RBM10: variants seen among roughly 807,000 people sequenced by gnomAD.
RBM10 encodes the protein RNA binding motif protein 10, also known as RNA-binding protein 10.
A neutral mutation model predicts 84.9 loss-of-function variants in RBM10; 1 was observed. That is an observed-to-expected ratio of 0.01 (90% CI 0.00 to 0.06). The LOEUF (loss-of-function observed/expected upper bound fraction) is 0.06, where lower values mean the gene tolerates loss of function less well. RBM10 is among the 10% of genes least tolerant of loss of function. The pLI is 1.00. For synonymous variants in RBM10, 326 were observed against 344.5 expected (o/e 0.95, Z 0.60); for missense variants, 438 against 839.0 (o/e 0.52, Z 5.90).
intron 2 of RBM10, among the ~76,000 whole-genome samples, chrX:47,153,248 T>C (rs1556764182): frequency 8.9e-6 from 1 of 112,121 alleles, no homozygotes; most frequent in East Asian, 2.8e-4. Context: ...TAAACAATTA[T>C]ATAGTACTTT....
Position 47,145,475 on chromosome X carries a change from G to T in RBM10, c.-136G>T. 8.7e-7 allele frequency: 1 copy of T among 1,154,305 alleles called. No individual in the cohort carries two copies. Among genetic ancestry groups the T allele is most frequent in the Non-Finnish European group, 1.1e-6 (1 of 872,250 alleles). On this transcript the variant is annotated 5_prime_UTR_variant, in exon 1 of 24. Coordinates refer to ENST00000377604, the MANE Select transcript of RBM10 (RefSeq NM_005676.5). ...TCTGGGAGCCCTTCCTTGACAGCCCGGGCCGAGAAGGTGAGCGTCGACGCT... is the reference window on the plus strand; with the variant it reads ...TCTGGGAGCCCTTCCTTGACAGCCCTGGCCGAGAAGGTGAGCGTCGACGCT...
At position 47,186,453 on chromosome X, in the gene RBM10, G is replaced by A. The variant is rs371424020; in HGVS notation, c.2668-21G>A. 1.6e-4 allele frequency: 191 copies of A among 1,203,293 alleles called. No individual in the cohort carries two copies. The Middle Eastern group carries it at 2.3e-3, about 14-fold the overall frequency. On this transcript the variant is annotated intron_variant, in intron 23 of 23. Transcript: ENST00000377604. ...CACAGCATCCCCCACCAGCCTGACA[G>A]AGCCTGCCTCCCTCACACAGGCCCA...
chrX:47,164,735 G>A (rs1556768237), intron 2 of RBM10, among the ~76,000 whole-genome samples: 1 of 111,102 alleles, frequency 9.0e-6, no homozygotes, highest in Non-Finnish European at 1.9e-5. Flanking sequence ...TTAAACACAG[G>A]ATTACCATAT....
At position 47,181,459 on chromosome X, in the gene RBM10, C is replaced by T. The variant is rs1425434086; in HGVS notation, c.1436-48C>T. 17 of 1,209,392 alleles carry T rather than the reference C, an allele frequency of 1.4e-5. No individual in the cohort carries two copies. The East Asian group carries it at 4.2e-4, about 30-fold the overall frequency. ...TGGGGGCCAGCAGGCATAAAGTCCC[C>T]GGCCCCATTATTCACAGGCATTGTC... is the stretch of plus-strand genomic sequence containing the variant. On this transcript the variant is annotated intron_variant, in intron 13 of 23. Transcript: ENST00000377604.
At chrX:47,162,277 TCTC>T (rs201478055) in intron 2 of RBM10, among the ~76,000 whole-genome samples, 223 of 112,285 alleles carry the variant, frequency 2.0e-3, no homozygotes, top group African/African-American at 6.0e-3. Flanking sequence ...ATTGCCGAAT[TCTC>T]CTCTATAAGG....
At chrX:47,173,255 C>T (rs1934809080) in intron 5 of RBM10, 58 bp downstream of exon 5, 2 of 1,191,396 alleles carry the variant, frequency 1.7e-6, no homozygotes, top group Non-Finnish European at 1.1e-6. Context: ...CTCCGAATCT[C>T]CCTCCTGCCT....
chrX:47,145,832 G>A (rs1932134229), intron 1 of RBM10, among the ~76,000 whole-genome samples: 1 of 103,670 alleles, frequency 9.6e-6, no homozygotes, highest in Admixed American at 1.1e-4. Context: ...ATAGGAGAGG[G>A]GATGCTGCTC....
chrX:47,165,384 G>A (rs1435879904), intron 2 of RBM10, among the ~76,000 whole-genome samples: 1 of 108,293 alleles, frequency 9.2e-6, no homozygotes, highest in African/African-American at 3.4e-5. Context: ...GAGTGGTGGT[G>A]CATGTCTGTA....
In RBM10 at chrX:47,164,710, C is replaced by T. The variant is rs182864583; in HGVS notation, c.18-4605C>T. On this transcript the variant is annotated intron_variant, in intron 2 of 23. Transcript: ENST00000377604. ...ACAGCTGCTGTGGAAAACAGTTTGGCGGTTCCAGAAAAAGTTAAACACAGG... is the reference window on the plus strand; with the variant it reads ...ACAGCTGCTGTGGAAAACAGTTTGGTGGTTCCAGAAAAAGTTAAACACAGG... Among the ~76,000 whole-genome samples the T allele has an allele frequency of 6.1e-4, 68 of 111,248 alleles. 1 individual carries two copies. The East Asian group carries it at 0.017, about 28-fold the overall frequency.
intron 17 of RBM10, among the ~76,000 whole-genome samples, chrX:47,182,801 G>A (rs1415095815): frequency 3.5e-5 from 4 of 112,691 alleles, no homozygotes; most frequent in African/African-American, 1.3e-4. Flanking sequence ...TGTTACCTTA[G>A]CAACCTGATG....
At chrX:47,157,652 C>T in intron 2 of RBM10, 2 of 522,867 alleles carry the variant, frequency 3.8e-6, no homozygotes, top group East Asian at 6.7e-5. Context: ...AGTCCTGAAA[C>T]CTGTGCACCA....
At chrX:47,183,394 G>T (rs1316279057) in intron 17 of RBM10, among the ~76,000 whole-genome samples, 1 of 110,759 alleles carries the variant, frequency 9.0e-6, no homozygotes. Flanking sequence ...GGTGGCAGGC[G>T]CCTGTAATCC....
intron 2 of RBM10, among the ~76,000 whole-genome samples, chrX:47,156,384 T>C (rs1282682231): frequency 9.0e-6 from 1 of 111,300 alleles, no homozygotes; most frequent in East Asian, 2.8e-4. Flanking sequence ...AGTTTTTTTT[T>C]TTAACTCAGT....
intron 1 of RBM10, 124 bp downstream of exon 1, chrX:47,145,609 C>T (rs1263554105): frequency 4.7e-6 from 1 of 213,390 alleles, no homozygotes; most frequent in African/African-American, 3.5e-5. Flanking sequence ...TGCAATGTCT[C>T]AACCCGGGAG....
At position 47,186,118 on chromosome X, in the gene RBM10, C is replaced by G. The variant is rs139148914; in HGVS notation, c.2484C>G (p.Pro828=). ...AAERREKYGI[P]EPPEPKRRKY... ...AACGCAGAGAAAAGTATGGCATCCC[C>G]GAGCCGCCAGAGCCCAAGAGGAGGA... The change falls in exon 22 of 24, where the codon CCC becomes CCG. Residue 828 remains proline (P), a synonymous_variant. Transcript: ENST00000377604. 8.3e-7 allele frequency: 1 copy of G among 1,211,850 alleles called. No homozygotes were observed.
intron 5 of RBM10, 125 bp downstream of exon 5, chrX:47,173,322 G>C: frequency 1.7e-6 from 2 of 1,156,420 alleles, no homozygotes; most frequent in Non-Finnish European, 1.2e-6. Flanking sequence ...AATGGGCAGC[G>C]TGGGGGGTGC....
chrX:47,173,963 GC>G (rs369612603), intron 5 of RBM10, among the ~76,000 whole-genome samples: 4 of 53,000 alleles, frequency 7.5e-5, no homozygotes, highest in East Asian at 5.6e-4. Flanking sequence ...CTCTCTCTCT[GC>G]CCCCCCCAAC....
chrX:47,158,611 C>T (rs949327923), intron 2 of RBM10, among the ~76,000 whole-genome samples: 9 of 111,983 alleles, frequency 8.0e-5, no homozygotes, highest in Middle Eastern at 4.6e-3. Flanking sequence ...CCATGTTGCC[C>T]AGGCTGGTCT....
intron 2 of RBM10, among the ~76,000 whole-genome samples, chrX:47,151,331 A>G (rs1313650929): frequency 8.9e-6 from 1 of 111,752 alleles, no homozygotes; most frequent in Non-Finnish European, 1.9e-5. Context: ...TTTTTTAAAA[A>G]ATATTTTTCA....
Sources: gnomAD v4.1 joint callset for allele counts (sites outside exome capture counted in the v4.1 genomes callset) on GRCh38, gnomAD v4.1.1 for gene constraint, MANE v1.5 for transcripts, NCBI Gene and HGNC (gene_info 2026-07-23, HGNC 2026-07-21) for gene names.